The following RMND5A variants were observed in gnomAD, a reference collection of about 807,000 sequenced individuals.
The protein encoded by RMND5A is required for meiotic nuclear division 5 homolog A, also known as E3 ubiquitin-protein transferase RMND5A.
RMND5A carries 17 observed loss-of-function variants against 49.7 expected under a neutral mutation model. The ratio of observed to expected loss-of-function variants is 0.34; its 90% confidence interval spans 0.23 to 0.51. The LOEUF (loss-of-function observed/expected upper bound fraction) is 0.51. Ranked by LOEUF, RMND5A falls within the 20% of genes least tolerant of loss-of-function variation. The pLI, the probability that RMND5A is intolerant of heterozygous loss-of-function variation, is 0.96. For missense variants in RMND5A, 255 were observed against 471.3 expected, an observed-to-expected ratio of 0.54 and a Z score of 4.25; for synonymous variants, 156 against 167.7, an observed-to-expected ratio of 0.93 and a Z score of 0.54.
intron 7 of RMND5A, 72 bp from the exon 8 acceptor site, chr2:86,771,486 T>C: frequency 7.5e-7 from 1 of 1,332,986 alleles, no homozygotes; most frequent in Non-Finnish European, 1.0e-6. Flanking sequence ...TGCTGCACAG[T>C]GTATATTACC....
chr2:86,754,444 C>A (rs1355619129), intron 4 of RMND5A, among the ~76,000 whole-genome samples: 3 of 152,208 alleles, frequency 2.0e-5, no homozygotes, highest in Non-Finnish European at 4.4e-5. Flanking sequence ...GAAAAATTAA[C>A]CATCAGTGTT....
At chr2:86,769,878 AT>A (rs1672661015) in intron 6 of RMND5A, 144 bp from the exon 7 acceptor site, 1 of 593,816 alleles carries the variant, frequency 1.7e-6, no homozygotes, top group Admixed American at 2.7e-5. Flanking sequence ...AAATGGCTGG[AT>A]TTACTTTTAG....
chr2:86,747,436 C>T (rs563486921), intron 2 of RMND5A, among the ~76,000 whole-genome samples: 1 of 152,328 alleles, frequency 6.6e-6, no homozygotes, highest in African/African-American at 2.4e-5. Flanking sequence ...TAGCTATCGT[C>T]TGTTAGTCTG....
intron 4 of RMND5A, 55 bp from the exon 5 acceptor site, chr2:86,764,967 GTTTTT>G: frequency 6.6e-7 from 1 of 1,516,942 alleles, no homozygotes; most frequent in Non-Finnish European, 8.8e-7. Flanking sequence ...GTTTCAAATA[GTTTTT>G]AAGACACCTT....
chr2:86,748,129 C>G (rs1224623617), intron 2 of RMND5A: 1 of 152,206 alleles, frequency 6.6e-6, no homozygotes, highest in Non-Finnish European at 1.5e-5. Flanking sequence ...GTTTGCAGTG[C>G]TGTGGATTTT....
intron 6 of RMND5A, among the ~76,000 whole-genome samples, chr2:86,766,250 G>A (rs1672589021): frequency 6.6e-6 from 1 of 152,180 alleles, no homozygotes; most frequent in Non-Finnish European, 1.5e-5. Context: ...CTTTTCCACT[G>A]TATTGACATT....
chr2:86,745,950 G>C (rs942474399), intron 2 of RMND5A, among the ~76,000 whole-genome samples: 2 of 152,142 alleles, frequency 1.3e-5, no homozygotes, highest in Non-Finnish European at 2.9e-5. Flanking sequence ...TGTTGAAGGG[G>C]AACAATAATA....
chr2:86,737,587 A>G (rs1681411409), intron 1 of RMND5A, among the ~76,000 whole-genome samples: 1 of 118,692 alleles, frequency 8.4e-6, no homozygotes, highest in Admixed American at 8.3e-5. Context: ...ATATATATAT[A>G]TATATATGTC....
intron 2 of RMND5A, among the ~76,000 whole-genome samples, chr2:86,750,027 A>G (rs562805095): frequency 3.3e-5 from 5 of 152,238 alleles, no homozygotes; most frequent in African/African-American, 7.2e-5. Context: ...GTTGGACTGT[A>G]TATTTAAGCA....
chr2:86,721,302 C>T (rs1327403779), intron 1 of RMND5A, among the ~76,000 whole-genome samples: 1 of 152,004 alleles, frequency 6.6e-6, no homozygotes, highest in African/African-American at 2.4e-5. Flanking sequence ...GACTTCGTTT[C>T]TTCGTTTTAT....
intron 4 of RMND5A, among the ~76,000 whole-genome samples, chr2:86,756,856 A>G (rs145301677): frequency 4.9e-4 from 74 of 152,290 alleles, no homozygotes; most frequent in African/African-American, 1.7e-3. Context: ...CTATGCGGTG[A>G]GAAGGCAGAG....
intron 4 of RMND5A, among the ~76,000 whole-genome samples, chr2:86,759,612 G>GCCCCCCCCCCCC (rs144501224): frequency 6.2e-5 from 9 of 146,250 alleles, no homozygotes; most frequent in South Asian, 2.2e-4. Flanking sequence ...TAGTTTGCTT[G>GCCCCCCCCCCCC]CCCCCCCGCC....
Position 86,727,717 on chromosome 2 carries a change from C to T in RMND5A, c.142+6908C>T, listed in dbSNP as rs1681293184. Among the ~76,000 whole-genome samples the T allele has an allele frequency of 2.7e-5, 2 of 74,342 alleles. 1 individual carries two copies. Among genetic ancestry groups the T allele is most frequent in the Non-Finnish European group, 5.6e-5 (2 of 35,674 alleles). The allele number at this position is 74,342 out of a possible 152,430, so 48.8% of individuals were successfully genotyped here. On this transcript the variant is annotated intron_variant, in intron 1 of 8. Transcript: ENST00000283632. ...TCTGAGCTATGTGTACTTGGAGACC[C>T]GTGGTACTTCCAGGAGATGATGCTC...
intron 4 of RMND5A, among the ~76,000 whole-genome samples, chr2:86,760,481 T>A (rs1265044138): frequency 1.3e-5 from 2 of 152,246 alleles, no homozygotes; most frequent in Non-Finnish European, 2.9e-5. Context: ...ATGTATTAAC[T>A]GTGAGCAATT....
chr2:86,745,393 C>T (rs1373624687), intron 2 of RMND5A, among the ~76,000 whole-genome samples: 2 of 152,152 alleles, frequency 1.3e-5, no homozygotes, highest in African/African-American at 4.8e-5. Context: ...AAGGTAGTTG[C>T]TATCTTAAAT....
Position 86,770,088 on chromosome 2 carries a change from A to T in RMND5A, c.920A>T (p.Gln307Leu), listed in dbSNP as rs543655898. 2.5e-6 allele frequency: 4 copies of T among 1,614,050 alleles called. No individual in the cohort carries two copies. The South Asian group carries it at 4.4e-5, about 18-fold the overall frequency. The stretch of plus-strand genomic sequence containing the variant: ...ATCAAAGCCGTGATTGAACAGAGGC[A>T]GTGTACTGGAGTTTGGAACCAGAAA... The part of the protein sequence containing the change: ...INIKAVIEQR[Q>L]CTGVWNQKDE... Residue 307 changes from glutamine to leucine, a missense_variant, in exon 7 of 9, where the codon CAG (glutamine) becomes CTG (leucine). Transcript: ENST00000283632.
intron 1 of RMND5A, among the ~76,000 whole-genome samples, chr2:86,727,740 C>G (rs1681293344): frequency 1.4e-5 from 1 of 70,120 alleles, no homozygotes; most frequent in South Asian, 4.2e-4. Flanking sequence ...GGAGATGATG[C>G]TCTCTAACTG....
rs567562085 is a variant in RMND5A, at chr2:86,750,729, C to T, written c.286-1167C>T. 1.9e-3 allele frequency among the ~76,000 whole-genome samples: 278 copies of T among 149,982 alleles called. 1 individual carries two copies. Among genetic ancestry groups the T allele is most frequent in the South Asian group, 5.7e-3 (27 of 4,738 alleles). On this transcript the variant is annotated intron_variant, in intron 2 of 8. Transcript: ENST00000283632. ...TCTCCTAGTATTCCGATGACACACA[C>T]GTTAGAGCTTTTGTAATTTTCCCAC...
chr2:86,765,596 T>G, intron 5 of RMND5A: 1 of 395,946 alleles, frequency 2.5e-6, no homozygotes, highest in Non-Finnish European at 4.5e-6. Context: ...AATTGTTACT[T>G]CTCTAGGTAA....
Sources: allele counts gnomAD v4.1 joint callset (sites outside exome capture counted in the v4.1 genomes callset), GRCh38; gene constraint gnomAD v4.1.1; transcripts MANE v1.5; gene names NCBI Gene and HGNC (gene_info 2026-07-23, HGNC 2026-07-21).